NDUFAF6: variants seen among roughly 807,000 people sequenced by gnomAD.
The protein encoded by NDUFAF6 is NADH:ubiquinone oxidoreductase complex assembly factor 6.
Under a neutral mutation model 40.8 loss-of-function variants are expected in NDUFAF6, and 45 were observed. The observed-to-expected ratio is 1.10, with a 90% CI of 0.87 to 1.42. The LOEUF (loss-of-function observed/expected upper bound fraction) is 1.42, where lower values mean the gene tolerates loss of function less well. NDUFAF6 is among the 40% of genes most tolerant of loss of function. The probability of loss-of-function intolerance (pLI) is 0.00; values close to 1 mark genes in which losing one functional copy is unlikely to be tolerated. For synonymous variants in NDUFAF6, 185 were observed against 155.9 expected (o/e 1.19, Z -1.39); for missense variants, 435 against 418.5 (o/e 1.04, Z -0.34).
intron 2 of NDUFAF6, among the ~76,000 whole-genome samples, chr8:95,093,594 T>C (rs988595265): frequency 2.6e-5 from 4 of 152,212 alleles, no homozygotes; most frequent in Admixed American, 1.3e-4. Context: ...GACCACTCCC[T>C]GTCCCCTTTT....
chr8:95,042,694 A>G (rs946378895), intron 4 of NDUFAF6, among the ~76,000 whole-genome samples: 4 of 152,252 alleles, frequency 2.6e-5, no homozygotes, highest in South Asian at 2.1e-4. Context: ...TAATCTTAAC[A>G]AAGAAGAACA....
chr8:95,004,515 T>C (rs2131652421), intron 2 of NDUFAF6, among the ~76,000 whole-genome samples: 1 of 151,874 alleles, frequency 6.6e-6, no homozygotes. Flanking sequence ...CATGCCCAAC[T>C]AATTTTTTAT....
chr8:94,930,360 A>G, intron 1 of NDUFAF6: 1 of 1,402,442 alleles, frequency 7.1e-7, no homozygotes, highest in East Asian at 2.3e-5. Flanking sequence ...ATACACTGAT[A>G]AAACTATGTG....
upstream of NDUFAF6, chr8:95,024,878 CTCT>C (rs1376084504): frequency 3.8e-6 from 3 of 786,758 alleles, no homozygotes; most frequent in Non-Finnish European, 5.2e-6. Flanking sequence ...CGACACCTGG[CTCT>C]TCTTTGAGCG....
chr8:95,001,109 A>T (rs1157314072), intron 2 of NDUFAF6, among the ~76,000 whole-genome samples: 2 of 151,650 alleles, frequency 1.3e-5, no homozygotes, highest in African/African-American at 4.8e-5. Context: ...GAGCACCACC[A>T]TGTGTGGCTA....
intron 2 of NDUFAF6, among the ~76,000 whole-genome samples, chr8:94,947,128 G>C (rs1822089094): frequency 6.6e-6 from 1 of 152,092 alleles, no homozygotes; most frequent in African/African-American, 2.4e-5. Context: ...GGTTGGGGTG[G>C]AGTCAGCATT....
chr8:95,066,378 G>A (rs1037318747), intron 9 of NDUFAF6, among the ~76,000 whole-genome samples: 3 of 145,120 alleles, frequency 2.1e-5, no homozygotes, highest in African/African-American at 7.8e-5. Flanking sequence ...GCCTCTCAAA[G>A]TGCTGGCATT....
upstream of NDUFAF6, chr8:94,895,806 A>C (rs946731259): frequency 7.9e-5 from 12 of 151,978 alleles, no homozygotes; most frequent in African/African-American, 2.9e-4. Flanking sequence ...AACACCACTC[A>C]GCCACGCGCC....
At chr8:94,967,545 G>T (rs976373756) in intron 1 of NDUFAF6, among the ~76,000 whole-genome samples, 3 of 152,136 alleles carry the variant, frequency 2.0e-5, no homozygotes, top group African/African-American at 7.2e-5. Context: ...GCTTAAAACA[G>T]CAAGTATTTA....
intron 1 of NDUFAF6, among the ~76,000 whole-genome samples, chr8:94,911,470 A>G (rs1818774725): frequency 1.3e-5 from 2 of 152,218 alleles, no homozygotes; most frequent in Admixed American, 1.3e-4. Context: ...ATAAATGCAG[A>G]ATGCGTTGGC....
chr8:95,093,168 C>T (rs992114905), intron 2 of NDUFAF6, among the ~76,000 whole-genome samples: 6 of 152,080 alleles, frequency 3.9e-5, no homozygotes, highest in South Asian at 2.1e-4. Flanking sequence ...TTCTAGAGTC[C>T]GCCTTGGTGG....
intron 2 of NDUFAF6, among the ~76,000 whole-genome samples, chr8:95,014,879 G>C (rs536289934): frequency 6.6e-6 from 1 of 152,270 alleles, no homozygotes; most frequent in African/African-American, 2.4e-5. Flanking sequence ...ACCCCTACCA[G>C]TTCTAGAGTT....
chr8:95,064,065 G>GT (rs1369326100), intron 9 of NDUFAF6, among the ~76,000 whole-genome samples: 1 of 131,954 alleles, frequency 7.6e-6, no homozygotes. Flanking sequence ...TTTTTTTTTG[G>GT]ATTTTTACTA....
Position 95,045,667 on chromosome 8 carries a change from C to T in NDUFAF6, c.580+20C>T. 1 of 1,576,822 alleles carries T rather than the reference C, an allele frequency of 6.3e-7. No homozygotes were observed. The highest frequency in any genetic ancestry group is 8.7e-7 in the Non-Finnish European group (1 of 1,146,832). ...TATTGGGTAAGTTGTTTTTCTGTTTCATACTTCTTTTTTCCAATAAAATAC... is the reference window on the plus strand; with the variant it reads ...TATTGGGTAAGTTGTTTTTCTGTTTTATACTTCTTTTTTCCAATAAAATAC... On this transcript the variant is annotated intron_variant, in intron 5 of 8. Coordinates refer to ENST00000396124, the MANE Select transcript of NDUFAF6 (RefSeq NM_152416.4).
chr8:94,982,392 C>T (rs954471712), intron 2 of NDUFAF6, among the ~76,000 whole-genome samples: 2 of 152,154 alleles, frequency 1.3e-5, no homozygotes, highest in Non-Finnish European at 2.9e-5. Flanking sequence ...GTGTAGTAGG[C>T]TAAGCCATCT....
chr8:94,974,613 T>G (rs1332378710), intron 1 of NDUFAF6: 1 of 152,390 alleles, frequency 6.6e-6, no homozygotes, highest in Non-Finnish European at 1.5e-5. Flanking sequence ...TGGGGCAGCT[T>G]AAGCAGCAAT....
At chr8:95,064,846 C>T (rs1442523534) in intron 9 of NDUFAF6, among the ~76,000 whole-genome samples, 1 of 152,130 alleles carries the variant, frequency 6.6e-6, no homozygotes, top group Non-Finnish European at 1.5e-5. Context: ...AGAATCTAAA[C>T]GGACGGGCCT....
At chr8:95,081,532 G>A (rs1469270843) in intron 2 of NDUFAF6, among the ~76,000 whole-genome samples, 1 of 152,024 alleles carries the variant, frequency 6.6e-6, no homozygotes, top group Non-Finnish European at 1.5e-5. Flanking sequence ...AGCTTACTCA[G>A]CTATCCTGAT....
downstream of NDUFAF6, among the ~76,000 whole-genome samples, chr8:95,079,338 AAAATTT>A (rs1808744335): frequency 6.6e-6 from 1 of 152,226 alleles, no homozygotes; most frequent in Non-Finnish European, 1.5e-5. Flanking sequence ...AATATTTTGT[AAAATTT>A]GCAATACATA....
Sources: gnomAD v4.1 joint callset for allele counts (sites outside exome capture counted in the v4.1 genomes callset) on GRCh38, gnomAD v4.1.1 for gene constraint, MANE v1.5 for transcripts, NCBI Gene and HGNC (gene_info 2026-07-23, HGNC 2026-07-21) for gene names.